Variants in BRD4 observed in about 807,000 individuals in gnomAD.
The protein encoded by BRD4 is bromodomain-containing protein 4.
BRD4 carries 16 observed loss-of-function variants against 142.1 expected under a neutral mutation model. The ratio of observed to expected loss-of-function variants is 0.11; its 90% CI spans 0.08 to 0.17. The LOEUF is 0.17. Ranked by LOEUF, BRD4 falls within the 10% of genes least tolerant of loss-of-function variation. BRD4 has a pLI of 1.00. For missense variants in BRD4, 1,424 were observed against 1,810.9 expected, an observed-to-expected ratio of 0.79 and a Z score of 3.88; for synonymous variants, 833 against 707.5, an observed-to-expected ratio of 1.18 and a Z score of -2.82.
rs1026270447 is a variant in BRD4, at chr19:15,261,957, G to A, written c.1341+1463C>T. Among the ~76,000 whole-genome samples the A allele has an allele frequency of 3.3e-5, 5 of 152,184 alleles. No homozygotes were observed. In the South Asian group the frequency reaches 6.3e-4, roughly 19 times the overall value. ...GCCTGAGCATGCATTTAAATAACAA[G>A]AGCCACATCCACACTAGTAAGAAAG... On this transcript the variant is annotated intron_variant, in intron 7 of 19. Transcript: ENST00000679869.
chr19:15,236,767 G>T lies in BRD4; in HGVS notation c.*1610C>A, dbSNP rs531218690. The T allele has an allele frequency of 5.7e-6, 1 of 176,584 alleles. No individual in the cohort carries two copies. Among genetic ancestry groups the T allele is most frequent in the Non-Finnish European group, 1.2e-5 (1 of 82,044 alleles). 10.9% of individuals were successfully genotyped at this position (176,584 alleles called of 1,614,324 possible). A position where few individuals can be genotyped will look rare whatever the true frequency, so the allele number is the denominator to read the frequency against. ...AGTTCCTGTACAGAGGTGGTCTGGG[G>T]TCCAGGGGGTCCCCTGGGCCTAGCC... On this transcript the variant is annotated 3_prime_UTR_variant, in exon 20 of 20. Coordinates refer to ENST00000679869, the MANE Select transcript of BRD4 (RefSeq NM_001379291.1).
intron 3 of BRD4, among the ~76,000 whole-genome samples, 162 bp from the exon 4 acceptor site, chr19:15,267,713 C>A (rs543244025): frequency 3.3e-5 from 5 of 152,228 alleles, no homozygotes; most frequent in African/African-American, 1.2e-4. Context: ...GCTACACTAC[C>A]AGGTATCACA....
chr19:15,243,258 C>A lies in BRD4; in HGVS notation c.2811G>T (p.Lys937Asn). The change falls in exon 14 of 20, where the codon AAG becomes AAT. Residue 937 changes from lysine to asparagine, a missense_variant. Lys to Asn is a moderately conservative substitution (Grantham distance 94). This residue lies in a region of BRD4 where 598 missense variants were observed against 647.8 expected (regional missense o/e 0.92). Coordinates refer to ENST00000679869, the MANE Select transcript of BRD4 (RefSeq NM_001379291.1). ...QMQLYLQQLQ[K>N]VQPPTPLLPS... Reference sequence around the variant, plus strand: ...GGAGTAGCGGCGTAGGGGGCTGCACCTTCTGCAGCTGCTGCAGGTACAGCT... The same window carrying A: ...GGAGTAGCGGCGTAGGGGGCTGCACATTCTGCAGCTGCTGCAGGTACAGCT... 6.9e-7 allele frequency: 1 copy of A among 1,457,836 alleles called. No individual in the cohort carries two copies. Among genetic ancestry groups the A allele is most frequent in the Non-Finnish European group, 9.1e-7 (1 of 1,093,132 alleles). The allele number at this position is 1,457,836 out of a possible 1,614,324, so 90.3% of individuals were successfully genotyped here. A position where few individuals can be genotyped will look rare whatever the true frequency, so the allele number is the denominator to read the frequency against.
intron 1 of BRD4, among the ~76,000 whole-genome samples, chr19:15,287,934 A>G (rs2047752726): frequency 6.6e-6 from 1 of 151,970 alleles, no homozygotes; most frequent in East Asian, 1.9e-4. Flanking sequence ...ACGTCTGGCT[A>G]ATTTCTGTAT....
intron 14 of BRD4, among the ~76,000 whole-genome samples, chr19:15,241,865 T>C (rs536339965): frequency 1.4e-5 from 2 of 142,592 alleles, no homozygotes; most frequent in Admixed American, 7.7e-5. Flanking sequence ...CAGACTGGAG[T>C]GCAGTGGCAC....
intron 2 of BRD4, among the ~76,000 whole-genome samples, chr19:15,270,884 T>C (rs1200724736): frequency 6.6e-6 from 1 of 152,056 alleles, no homozygotes; most frequent in Non-Finnish European, 1.5e-5. Context: ...AGCTCCTCAC[T>C]CTCCCATCTC....
In BRD4 at chr19:15,237,089, C is replaced by T. The variant is rs1599426163; in HGVS notation, c.*1288G>A. 4.8e-6 allele frequency: 1 copy of T among 207,124 alleles called. No homozygotes were observed. The highest frequency in any genetic ancestry group is 7.2e-5 in the East Asian group (1 of 13,906). The allele number at this position is 207,124 out of a possible 1,614,324, so 12.8% of individuals were successfully genotyped here. ...GGGGCTGGGCGCCAGGTAGGGGAGT[C>T]TCTGCCTTAGTCTGTGGCGCCCCCA... On this transcript the variant is annotated 3_prime_UTR_variant, in exon 20 of 20. Coordinates refer to ENST00000679869, the MANE Select transcript of BRD4 (RefSeq NM_001379291.1).
intron 11 of BRD4, among the ~76,000 whole-genome samples, chr19:15,251,942 C>T (rs1011876682): frequency 6.6e-6 from 1 of 152,180 alleles, no homozygotes; most frequent in African/African-American, 2.4e-5. Context: ...AGGGCTGGAC[C>T]GCCAGAGCCT....
At chr19:15,317,803 C>T (rs1362676129) in intron 1 of BRD4, among the ~76,000 whole-genome samples, 3 of 152,210 alleles carry the variant, frequency 2.0e-5, no homozygotes, top group Non-Finnish European at 4.4e-5. Flanking sequence ...AGAGAGACCG[C>T]TCTAACACTG....
intron 8 of BRD4, 88 bp from the exon 9 acceptor site, chr19:15,256,351 C>A: frequency 6.7e-7 from 1 of 1,501,278 alleles, no homozygotes; most frequent in Non-Finnish European, 9.0e-7. Context: ...AAAAAACATG[C>A]GACAGCATGC....
At chr19:15,245,603 CCT>C (rs1004978411) in intron 11 of BRD4, among the ~76,000 whole-genome samples, 59 of 152,144 alleles carry the variant, frequency 3.9e-4, no homozygotes, top group African/African-American at 1.4e-3. Context: ...AGCGTGCCCA[CCT>C]CTGTCCTCAC....
intron 7 of BRD4, among the ~76,000 whole-genome samples, chr19:15,261,085 C>T (rs1304198097): frequency 6.6e-6 from 1 of 152,234 alleles, no homozygotes; most frequent in Non-Finnish European, 1.5e-5. Context: ...AAAAGCTGCG[C>T]CCCTGTCTTC....
At position 15,238,206 on chromosome 19, in the gene BRD4, C is replaced by G; in HGVS notation, c.*171G>C. On this transcript the variant is annotated 3_prime_UTR_variant, in exon 20 of 20. Coordinates refer to ENST00000679869, the MANE Select transcript of BRD4 (RefSeq NM_001379291.1). The surrounding 1 kb of genome is among the most constrained non-coding windows in gnomAD (Gnocchi z 7.2). The stretch of plus-strand genomic sequence containing the variant: ...TCTGTCCGACTGGCCGTAAGGCAGA[C>G]AGGCTCTGCAATCCTCAGCTGCCCG... 1 of 1,070,004 alleles carries G rather than the reference C, an allele frequency of 9.3e-7. No homozygotes were observed. Among genetic ancestry groups the G allele is most frequent in the Non-Finnish European group, 1.3e-6 (1 of 754,740 alleles). 66.3% of individuals were successfully genotyped at this position (1,070,004 alleles called of 1,614,324 possible).
chr19:15,280,920 T>C (rs1453516548), intron 1 of BRD4, among the ~76,000 whole-genome samples: 1 of 152,250 alleles, frequency 6.6e-6, no homozygotes, highest in Non-Finnish European at 1.5e-5. Context: ...TATCTTGTCC[T>C]AGAAACATCT....
intron 1 of BRD4, among the ~76,000 whole-genome samples, chr19:15,321,103 G>A (rs901031029): frequency 5.9e-5 from 9 of 152,032 alleles, no homozygotes; most frequent in Non-Finnish European, 1.2e-4. Flanking sequence ...GCATGGTGGC[G>A]CATGCCTCTA....
At position 15,244,453 on chromosome 19, in the gene BRD4, G is replaced by A; in HGVS notation, c.2359C>T (p.Gln787Ter). The change falls in exon 13 of 20, where the codon CAG becomes TAG. Residue 787 changes from glutamine to a stop codon, truncating the protein, a stop_gained. Transcript: ENST00000679869. LOFTEE classifies it high-confidence loss of function. ...GACTTCATCGCCGGGGCTGCCTGCT[G>A]CGGCATGGAGGGTGGGGGAGGCGGG... is the stretch of plus-strand genomic sequence containing the variant. Reference protein sequence around the residue: ...PPPPPPPSMPQQAAPAMKSSP... With the variant: ...PPPPPPPSMP 6.4e-7 allele frequency: 1 copy of A among 1,552,502 alleles called. No individual in the cohort carries two copies. Among genetic ancestry groups the A allele is most frequent in the Non-Finnish European group, 8.6e-7 (1 of 1,158,622 alleles).
At chr19:15,331,025 G>A (rs577859145) in intron 1 of BRD4, among the ~76,000 whole-genome samples, 4 of 152,178 alleles carry the variant, frequency 2.6e-5, no homozygotes, top group African/African-American at 7.2e-5. Flanking sequence ...GGTAAGCAAA[G>A]ACATTCCAAT....
chr19:15,242,631 A>G (rs551888139), intron 14 of BRD4, among the ~76,000 whole-genome samples: 3 of 152,254 alleles, frequency 2.0e-5, no homozygotes, highest in Non-Finnish European at 4.4e-5. Context: ...CCACCTAGCA[A>G]GAAGTCACCT....
intron 1 of BRD4, among the ~76,000 whole-genome samples, chr19:15,301,371 A>G (rs955904949): frequency 4.6e-5 from 7 of 150,600 alleles, no homozygotes; most frequent in African/African-American, 9.8e-5. Flanking sequence ...GACCAGCCTG[A>G]CCAACATGGT....
Sources: allele counts gnomAD v4.1 joint callset (sites outside exome capture counted in the v4.1 genomes callset), GRCh38; gene constraint gnomAD v4.1.1; regional missense constraint gnomAD v4.1.1; non-coding constraint Gnocchi (gnomAD v3.1); transcripts MANE v1.5; gene names NCBI Gene and HGNC (gene_info 2026-07-23, HGNC 2026-07-21).